Variants in ZNF682 observed in about 807,000 individuals in gnomAD.
The protein encoded by ZNF682 is zinc finger protein 682.
ZNF682 carries 29 observed loss-of-function variants against 36.5 expected under a neutral mutation model. The ratio of observed to expected loss-of-function variants is 0.80; its 90% CI spans 0.59 to 1.08. The LOEUF (loss-of-function observed/expected upper bound fraction) is 1.08. Among genes scored for constraint, ZNF682 ranks in the 50% least tolerant of loss-of-function variants. The pLI, the probability that ZNF682 is intolerant of heterozygous loss-of-function variation, is 0.00. For missense variants in ZNF682, 561 were observed against 579.7 expected (o/e 0.97, Z 0.33); for synonymous variants, 180 against 197.0 (o/e 0.91, Z 0.72).
intron 1 of ZNF682, among the ~76,000 whole-genome samples, chr19:20,026,473 T>C (rs2088432573): frequency 1.3e-5 from 2 of 151,940 alleles, no homozygotes; most frequent in African/African-American, 4.8e-5. Flanking sequence ...ACTTTATTTA[T>C]TTATTTATTT....
chr19:20,009,221 C>G (rs530195349), intron 3 of ZNF682, among the ~76,000 whole-genome samples: 20 of 152,154 alleles, frequency 1.3e-4, no homozygotes, highest in Admixed American at 3.9e-4. Flanking sequence ...ACAGGACTTT[C>G]AAAATACAAT....
rs1185774982 is a variant in ZNF682 at position 20,006,798 on chromosome 19, CCA to C, written c.702_703del (p.Cys234TrpfsTer5). The stretch of plus-strand genomic sequence containing the variant: ...ACTCGAGCACCAGTTAAAAGCTTTG[CCA>C]CATTCTTCACATTTGTATGGTTTCT... On this transcript the variant is annotated frameshift_variant, in exon 4 of 4. Coordinates refer to ENST00000397165, the MANE Select transcript of ZNF682 (RefSeq NM_033196.3). LOFTEE classifies it high-confidence loss of function. The C allele has an allele frequency of 1.9e-6, 3 of 1,613,918 alleles. No homozygotes were observed. The highest frequency in any genetic ancestry group is 2.5e-6 in the Non-Finnish European group (3 of 1,180,014).
intron 3 of ZNF682, among the ~76,000 whole-genome samples, chr19:20,017,952 A>G (rs117901486): frequency 6.6e-6 from 1 of 152,214 alleles, no homozygotes; most frequent in East Asian, 1.9e-4. Context: ...CAAGGATCAG[A>G]TAATTTCATT....
intron 1 of ZNF682, among the ~76,000 whole-genome samples, chr19:20,031,679 A>T (rs972463819): frequency 6.6e-5 from 10 of 152,120 alleles, no homozygotes; most frequent in African/African-American, 2.4e-4. Context: ...ACGGTGGCTC[A>T]CCCCTGTAAT....
chr19:20,023,437 A>C (rs757878888), intron 2 of ZNF682, among the ~76,000 whole-genome samples: 5 of 152,038 alleles, frequency 3.3e-5, no homozygotes, highest in Non-Finnish European at 7.4e-5. Context: ...CAAAGATTAC[A>C]GTGAGCCAAG....
rs193234398 is a variant in ZNF682, at chr19:20,015,645, G to T, written c.226+7359C>A. On this transcript the variant is annotated intron_variant, in intron 3 of 3. Transcript: ENST00000397165. Reference sequence around the variant, plus strand: ...TAGCTACAATTTTCAACCATGACTGGCTATCCATAAAAAGCATACATTTTT... The same window carrying T: ...TAGCTACAATTTTCAACCATGACTGTCTATCCATAAAAAGCATACATTTTT... The T allele has an allele frequency of 3.4e-3, 1,298 of 384,308 alleles. 3 individuals carry two copies. The highest frequency in any genetic ancestry group is 5.0e-3 in the Non-Finnish European group (1,093 of 218,854). 23.8% of individuals were successfully genotyped at this position (384,308 alleles called of 1,614,324 possible).
At chr19:20,020,875 C>T (rs2088377260) in intron 3 of ZNF682, among the ~76,000 whole-genome samples, 2 of 152,124 alleles carry the variant, frequency 1.3e-5, no homozygotes, top group Non-Finnish European at 2.9e-5. Context: ...CTCATAGAAA[C>T]AGAGAGTACA....
At chr19:20,007,629 G>A in intron 3 of ZNF682, 1 of 195,748 alleles carries the variant, frequency 5.1e-6, no homozygotes, top group Non-Finnish European at 1.0e-5. Context: ...ATGGACCTCT[G>A]AGATTCTCAC....
At chr19:20,020,136 T>A (rs546368021) in intron 3 of ZNF682, among the ~76,000 whole-genome samples, 2 of 150,368 alleles carry the variant, frequency 1.3e-5, no homozygotes, top group East Asian at 3.9e-4. Flanking sequence ...AAGAAAAAAA[T>A]CTTGTACACT....
At chr19:20,012,551 A>G (rs892110009) in intron 3 of ZNF682, among the ~76,000 whole-genome samples, 1 of 152,154 alleles carries the variant, frequency 6.6e-6, no homozygotes, top group Non-Finnish European at 1.5e-5. Context: ...GTGGATCACG[A>G]GGTCAGGAGA....
downstream of ZNF682, among the ~76,000 whole-genome samples, chr19:20,002,135 T>G (rs1200636971): frequency 6.6e-6 from 1 of 152,054 alleles, no homozygotes; most frequent in Non-Finnish European, 1.5e-5. Flanking sequence ...CAGGCTGGAG[T>G]GCAGTGGTGT....
chr19:20,002,407 TG>T (rs2088174521), downstream of ZNF682, among the ~76,000 whole-genome samples: 1 of 152,190 alleles, frequency 6.6e-6, no homozygotes, highest in Admixed American at 6.5e-5. Flanking sequence ...CAGAGGTCCC[TG>T]GGTGCTGAAA....
In ZNF682 at chr19:20,015,446, G is replaced by A. The variant is rs1022439156; in HGVS notation, c.226+7558C>T. 5.1e-6 allele frequency: 5 copies of A among 978,882 alleles called. No individual in the cohort carries two copies. The African/African-American group carries it at 5.2e-5, about 10-fold the overall frequency. 60.6% of individuals were successfully genotyped at this position (978,882 alleles called of 1,614,324 possible). On this transcript the variant is annotated intron_variant, in intron 3 of 3. Coordinates refer to ENST00000397165, the MANE Select transcript of ZNF682 (RefSeq NM_033196.3). Reference sequence around the variant, plus strand: ...CTTAAAATGTACAGAGCTGAATACTGTCATACAAAATTATAATATATGAAT... The same window carrying A: ...CTTAAAATGTACAGAGCTGAATACTATCATACAAAATTATAATATATGAAT...
chr19:20,007,305 C>T, intron 3 of ZNF682, 30 bp from the exon 4 acceptor site: 8 of 1,546,338 alleles, frequency 5.2e-6, no homozygotes, highest in Non-Finnish European at 7.0e-6. Context: ...AAATATCCCA[C>T]TTGTTATTTT....
chr19:20,035,915 T>C (rs1289057075), intron 1 of ZNF682, among the ~76,000 whole-genome samples: 3 of 152,110 alleles, frequency 2.0e-5, no homozygotes, highest in African/African-American at 4.8e-5. Context: ...TTTGTATTTT[T>C]AGTAGAAACG....
chr19:20,028,000 A>T (rs1248350834), intron 1 of ZNF682, among the ~76,000 whole-genome samples: 1 of 152,134 alleles, frequency 6.6e-6, no homozygotes, highest in Non-Finnish European at 1.5e-5. Context: ...TTACAATTAC[A>T]TGGGACACTT....
intron 3 of ZNF682, among the ~76,000 whole-genome samples, chr19:20,009,512 A>C (rs2088262989): frequency 6.6e-6 from 1 of 152,208 alleles, no homozygotes; most frequent in African/African-American, 2.4e-5. Context: ...ACACAGAGAT[A>C]CAAGAAATTC....
At chr19:20,022,614 G>T (rs909824038) in intron 3 of ZNF682, among the ~76,000 whole-genome samples, 6 of 151,904 alleles carry the variant, frequency 3.9e-5, no homozygotes, top group African/African-American at 1.5e-4. Context: ...GGTGAGCCAA[G>T]ATTGAGCCAT....
Position 20,005,884 on chromosome 19 carries a change from T to C in ZNF682, c.*121A>G. On this transcript the variant is annotated 3_prime_UTR_variant, in exon 4 of 4. Transcript: ENST00000397165. ...CAATGGTTGAAGACTTTCCCCACAT[T>C]CTTCACATTTGTAGTGTTTCTCTCC... 1.0e-6 allele frequency: 1 copy of C among 987,494 alleles called. No homozygotes were observed. 61.2% of individuals were successfully genotyped at this position (987,494 alleles called of 1,614,324 possible). A position where few individuals can be genotyped will look rare whatever the true frequency, so the allele number is the denominator to read the frequency against.
Sources: allele counts gnomAD v4.1 joint callset (sites outside exome capture counted in the v4.1 genomes callset), GRCh38; gene constraint gnomAD v4.1.1; transcripts MANE v1.5; gene names NCBI Gene and HGNC (gene_info 2026-07-23, HGNC 2026-07-21).